The following ZMYND11 variants were observed in gnomAD, a reference collection of about 807,000 sequenced individuals.
ZMYND11 encodes zinc finger MYND domain-containing protein 11.
ZMYND11 carries 9 observed loss-of-function variants against 84.9 expected under a neutral mutation model. The ratio of observed to expected loss-of-function variants is 0.11; its 90% CI spans 0.06 to 0.18. The LOEUF (loss-of-function observed/expected upper bound fraction) is 0.18, where lower values mean the gene tolerates loss of function less well. Ranked by LOEUF, ZMYND11 falls within the 10% of genes least tolerant of loss-of-function variation. ZMYND11 has a pLI of 1.00. For missense variants in ZMYND11, 409 were observed against 761.0 expected (o/e 0.54, Z 5.44); for synonymous variants, 250 against 244.1 (o/e 1.02, Z -0.23).
chr10:182,105 T>G (rs1848010769), intron 2 of ZMYND11, among the ~76,000 whole-genome samples: 1 of 152,228 alleles, frequency 6.6e-6, no homozygotes, highest in Non-Finnish European at 1.5e-5. Flanking sequence ...AGCATGTTTC[T>G]CTAGAAGCTT....
At chr10:191,683 A>G (rs1463986096) in intron 2 of ZMYND11, among the ~76,000 whole-genome samples, 3 of 152,234 alleles carry the variant, frequency 2.0e-5, no homozygotes, top group African/African-American at 7.2e-5. Flanking sequence ...AAAGTAACAT[A>G]AATATATTAC....
chr10:233,557 G>C (rs11599450), intron 4 of ZMYND11, among the ~76,000 whole-genome samples: 37,588 of 151,986 alleles, frequency 0.25, 5,756 homozygotes, highest in Non-Finnish European at 0.35. Flanking sequence ...GACATTCCTG[G>C]GGTAGTTATG....
intron 10 of ZMYND11, among the ~76,000 whole-genome samples, chr10:244,056 TAA>T (rs1023620465): frequency 6.6e-6 from 1 of 152,100 alleles, no homozygotes; most frequent in African/African-American, 2.4e-5. Context: ...TTTTAGAAAA[TAA>T]GAGAGGTTGA....
chr10:159,409 C>A (rs1320640560), intron 1 of ZMYND11, among the ~76,000 whole-genome samples: 1 of 152,016 alleles, frequency 6.6e-6, no homozygotes, highest in African/African-American at 2.4e-5. Flanking sequence ...GAGTACATTG[C>A]CAGGCTTTTA....
chr10:200,619 A>G (rs534281799), intron 2 of ZMYND11, among the ~76,000 whole-genome samples: 329 of 151,904 alleles, frequency 2.2e-3, no homozygotes, highest in Middle Eastern at 0.02. Context: ...CCCCATCTCA[A>G]GTTATTTACT....
At position 197,348 on chromosome 10, in the gene ZMYND11, C is replaced by T. The variant is rs990773507; in HGVS notation, c.117-12541C>T. 4.6e-5 allele frequency among the ~76,000 whole-genome samples: 7 copies of T among 151,916 alleles called. No homozygotes were observed. In the East Asian group the frequency reaches 1.3e-3, roughly 29 times the overall value. On this transcript the variant is annotated intron_variant, in intron 2 of 14. Transcript: ENST00000381604. Reference sequence around the variant, plus strand: ...CATGGTATATTTCATTGGAACTTCTCTTTTTTTTCAAAAATATTTTGGGGA... The same window carrying T: ...CATGGTATATTTCATTGGAACTTCTTTTTTTTTTCAAAAATATTTTGGGGA...
chr10:141,409 A>G (rs894171424), intron 1 of ZMYND11, among the ~76,000 whole-genome samples: 2 of 152,186 alleles, frequency 1.3e-5, no homozygotes, highest in Non-Finnish European at 2.9e-5. Flanking sequence ...TGTAAAGGCA[A>G]GAGGACTGCT....
At chr10:242,229 G>A (rs1386429596) in intron 10 of ZMYND11, 90 bp downstream of exon 10, 1 of 1,470,698 alleles carries the variant, frequency 6.8e-7, no homozygotes, top group Non-Finnish European at 9.1e-7. Flanking sequence ...GATGCATGAA[G>A]TTTATTTTAA....
chr10:167,590 G>T lies in ZMYND11; in HGVS notation c.-19-12404G>T, dbSNP rs187530233. Among the ~76,000 whole-genome samples the T allele has an allele frequency of 5.9e-5, 9 of 152,110 alleles. No individual in the cohort carries two copies. In the East Asian group the frequency reaches 1.7e-3, roughly 29 times the overall value. On this transcript the variant is annotated intron_variant, in intron 1 of 14. Transcript: ENST00000381604. The stretch of plus-strand genomic sequence containing the variant: ...TCCCATTCTTAATCTAATGTACTTT[G>T]ATCCAAACAAACAAAAAGCTACCAG...
intron 4 of ZMYND11, among the ~76,000 whole-genome samples, chr10:233,651 T>A (rs1048545534): frequency 6.6e-6 from 1 of 152,176 alleles, no homozygotes; most frequent in Non-Finnish European, 1.5e-5. Flanking sequence ...CTTGTTTCCT[T>A]TCATGCTTTA....
chr10:181,356 C>T (rs765483826), intron 2 of ZMYND11, among the ~76,000 whole-genome samples: 42 of 152,222 alleles, frequency 2.8e-4, no homozygotes, highest in Non-Finnish European at 1.8e-4. Flanking sequence ...CAGTGGCTCA[C>T]GCCTGTAATC....
At chr10:183,288 C>T (rs1394665862) in intron 2 of ZMYND11, among the ~76,000 whole-genome samples, 7 of 150,892 alleles carry the variant, frequency 4.6e-5, no homozygotes, top group African/African-American at 9.8e-5. Flanking sequence ...TTCCATAGTC[C>T]GGCTTTTGCT....
intron 2 of ZMYND11, among the ~76,000 whole-genome samples, chr10:187,909 A>G (rs1007898959): frequency 2.0e-5 from 3 of 152,228 alleles, no homozygotes; most frequent in African/African-American, 4.8e-5. Context: ...ATTTTTAGAA[A>G]CTGGAGGATA....
intron 2 of ZMYND11, among the ~76,000 whole-genome samples, chr10:207,800 A>G (rs956103372): frequency 5.9e-5 from 9 of 152,332 alleles, no homozygotes; most frequent in Admixed American, 6.5e-5. Flanking sequence ...AAACTACTTT[A>G]AAGTTCATAT....
intron 1 of ZMYND11, among the ~76,000 whole-genome samples, chr10:170,053 T>C (rs555552972): frequency 6.6e-6 from 1 of 152,164 alleles, no homozygotes; most frequent in East Asian, 1.9e-4. Context: ...ACTTTACCTA[T>C]AGAGGAGCAC....
intron 4 of ZMYND11, among the ~76,000 whole-genome samples, chr10:225,192 T>C (rs551923885): frequency 1.3e-5 from 2 of 152,332 alleles, no homozygotes; most frequent in East Asian, 3.9e-4. Context: ...ATGGGATTTT[T>C]AGGTTTAAAG....
chr10:212,654 TTG>T (rs1211025054), intron 3 of ZMYND11, among the ~76,000 whole-genome samples: 1 of 152,062 alleles, frequency 6.6e-6, no homozygotes, highest in Non-Finnish European at 1.5e-5. Flanking sequence ...TTTCATTTGA[TTG>T]TTTGAAAGAT....
At chr10:244,786 C>G (rs977107562) in intron 10 of ZMYND11, among the ~76,000 whole-genome samples, 6 of 152,194 alleles carry the variant, frequency 3.9e-5, no homozygotes, top group Admixed American at 3.9e-4. Context: ...AGAGAGCATA[C>G]CCCGTGATAA....
At chr10:157,234 C>CT (rs1554759546) in intron 1 of ZMYND11, among the ~76,000 whole-genome samples, 1 of 152,184 alleles carries the variant, frequency 6.6e-6, no homozygotes, top group Non-Finnish European at 1.5e-5. Flanking sequence ...GAGTCTCGCT[C>CT]TGTCGCCCAG....
Sources: gnomAD v4.1 joint callset for allele counts (sites outside exome capture counted in the v4.1 genomes callset) on GRCh38, gnomAD v4.1.1 for gene constraint, MANE v1.5 for transcripts, NCBI Gene and HGNC (gene_info 2026-07-23, HGNC 2026-07-21) for gene names.